The following EML6 variants were observed in gnomAD, a reference collection of about 807,000 sequenced individuals.
EML6 encodes the protein echinoderm microtubule-associated protein-like 6.
Under a neutral mutation model 240.1 loss-of-function variants are expected in EML6, and 154 were observed. That is an observed-to-expected ratio of 0.64 (90% CI 0.56 to 0.73). The LOEUF (loss-of-function observed/expected upper bound fraction) is 0.73. Among genes scored for constraint, EML6 ranks in the 30% least tolerant of loss-of-function variants. The pLI is 0.00. For missense variants in EML6, 2,964 were observed against 2,474.6 expected, an observed-to-expected ratio of 1.20 and a Z score of -4.20; for synonymous variants, 1,148 against 899.0, an observed-to-expected ratio of 1.28 and a Z score of -4.95.
chr2:54,899,860 AT>A, intron 22 of EML6, 78 bp downstream of exon 22: 1 of 1,394,088 alleles, frequency 7.2e-7, no homozygotes, highest in Non-Finnish European at 9.7e-7. Context: ...CTCAGTTAAT[AT>A]TTACTGAGGG....
intron 33 of EML6, 42 bp downstream of exon 33, chr2:54,958,040 C>G (rs1422109321): frequency 6.6e-6 from 10 of 1,509,346 alleles, no homozygotes; most frequent in Non-Finnish European, 8.9e-6. Flanking sequence ...GACCCAGACC[C>G]CCTGGGCATG....
At chr2:54,872,851 G>A (rs918578847) in intron 16 of EML6, among the ~76,000 whole-genome samples, 1 of 152,140 alleles carries the variant, frequency 6.6e-6, no homozygotes, top group Non-Finnish European at 1.5e-5. Flanking sequence ...GAAATAACCT[G>A]TCCTTTTTTG....
intron 13 of EML6, among the ~76,000 whole-genome samples, chr2:54,864,753 C>T (rs1573027010): frequency 6.6e-6 from 1 of 152,194 alleles, no homozygotes. Flanking sequence ...ATTAGGATAA[C>T]AATGCTTACC....
At chr2:54,736,562 A>G (rs1683401474) in intron 2 of EML6, among the ~76,000 whole-genome samples, 1 of 152,102 alleles carries the variant, frequency 6.6e-6, no homozygotes, top group Admixed American at 6.5e-5. Flanking sequence ...TTTATCTCTC[A>G]TTCACTTTTC....
At chr2:54,884,109 G>C (rs1186415122) in intron 17 of EML6, among the ~76,000 whole-genome samples, 1 of 152,212 alleles carries the variant, frequency 6.6e-6, no homozygotes, top group East Asian at 1.9e-4. Context: ...GGTAGCCTCA[G>C]ATGCCACAGG....
intron 7 of EML6, among the ~76,000 whole-genome samples, chr2:54,837,449 A>AGCACTCACGG (rs954432379): frequency 6.6e-6 from 1 of 152,196 alleles, no homozygotes; most frequent in Admixed American, 6.5e-5. Flanking sequence ...CCACCTCCTA[A>AGCACTCACGG]GCACTCACGG....
At chr2:54,846,552 T>C (rs1669765955) in intron 8 of EML6, among the ~76,000 whole-genome samples, 1 of 150,802 alleles carries the variant, frequency 6.6e-6, no homozygotes, top group African/African-American at 2.4e-5. Flanking sequence ...AGTATGAACA[T>C]AGCTAACTGC....
chr2:54,931,221 T>C (rs942041678), intron 28 of EML6, among the ~76,000 whole-genome samples: 21 of 152,016 alleles, frequency 1.4e-4, no homozygotes, highest in African/African-American at 4.8e-4. Flanking sequence ...CCTCCCAAAG[T>C]GCTGGGATTA....
At position 54,928,733 on chromosome 2, in the gene EML6, A is replaced by T; in HGVS notation, c.3986A>T (p.Glu1329Val). Reference protein sequence around the residue: ...EGTKPHQQLKEVSVEERPPVS... With the variant: ...EGTKPHQQLKVVSVEERPPVS... ...ACCAAGCCACACCAGCAGCTGAAGG[A>T]AGTTTCCGTGGAAGAAAGGTATGGT... The change falls in exon 28 of 42, where the codon GAA becomes GTA. Residue 1329 changes from glutamate to valine, a missense_variant. Glu to Val is a moderately radical substitution (Grantham distance 121). Coordinates refer to ENST00000356458, the MANE Select transcript of EML6 (RefSeq NM_001039753.4). 6.4e-7 allele frequency: 1 copy of T among 1,551,844 alleles called. No homozygotes were observed. Among genetic ancestry groups the T allele is most frequent in the Non-Finnish European group, 8.7e-7 (1 of 1,147,036 alleles).
At chr2:54,892,927 C>A (rs1320832190) in intron 19 of EML6, among the ~76,000 whole-genome samples, 4 of 152,170 alleles carry the variant, frequency 2.6e-5, no homozygotes, top group African/African-American at 9.7e-5. Context: ...TTAAGAAGTG[C>A]CAGGATAAAT....
chr2:54,866,097 C>T (rs1003415880), intron 13 of EML6, among the ~76,000 whole-genome samples: 2 of 151,998 alleles, frequency 1.3e-5, no homozygotes, highest in African/African-American at 4.8e-5. Context: ...AAACAGGGGC[C>T]TTATATTTTA....
chr2:54,960,236 G>T lies in EML6; in HGVS notation c.4870G>T (p.Ala1624Ser). 6.4e-7 allele frequency: 1 copy of T among 1,551,386 alleles called. No individual in the cohort carries two copies. Among genetic ancestry groups the T allele is most frequent in the Non-Finnish European group, 8.7e-7 (1 of 1,146,778 alleles). Reference protein sequence around the residue: ...GKERPTKEGGAVKLWDQEMKR... With the variant: ...GKERPTKEGGSVKLWDQEMKR... ...CTTTTTTAGGACCAAAGAAGGAGGTGCTGTAAAATTGTGGGACCAGGAGAT... is the reference window on the plus strand; with the variant it reads ...CTTTTTTAGGACCAAAGAAGGAGGTTCTGTAAAATTGTGGGACCAGGAGAT... The change falls in exon 35 of 42, where the codon GCT becomes TCT. Residue 1624 changes from alanine to serine, a missense_variant. Ala to Ser is a moderately conservative substitution (Grantham distance 99). Transcript: ENST00000356458.
chr2:54,957,354 G>GAA lies in EML6; in HGVS notation c.4487-419_4487-418dup, dbSNP rs11315862. ...TAAAGAAAATGCAGGAGAATCTTAG[G>GAA]AAAAAAAAAAAAAAAAAAGCTCTCT... On this transcript the variant is annotated intron_variant, in intron 32 of 41. Coordinates refer to ENST00000356458, the MANE Select transcript of EML6 (RefSeq NM_001039753.4). 4.3e-3 allele frequency among the ~76,000 whole-genome samples: 455 copies of GAA among 106,440 alleles called. 10 individuals carry two copies. Among genetic ancestry groups the GAA allele is most frequent in the Admixed American group, 0.022 (239 of 10,704 alleles). The allele number at this position is 106,440 out of a possible 152,430, so 69.8% of individuals were successfully genotyped here.
intron 2 of EML6, among the ~76,000 whole-genome samples, chr2:54,787,558 G>A (rs555666560): frequency 1.3e-5 from 2 of 152,298 alleles, no homozygotes; most frequent in South Asian, 4.2e-4. Flanking sequence ...CATTAAATGA[G>A]ATAATGTGTA....
chr2:54,928,349 A>G lies in EML6; in HGVS notation c.3712A>G (p.Ser1238Gly). The G allele has an allele frequency of 1.3e-6, 2 of 1,552,038 alleles. No individual in the cohort carries two copies. The highest frequency in any genetic ancestry group is 1.7e-6 in the Non-Finnish European group (2 of 1,147,102). Residue 1238 changes from serine (S) to glycine (G), a missense_variant, in exon 27 of 42, where the codon AGT becomes GGT. Transcript: ENST00000356458. ...AAGATTCAAGAAGTATGTGGGGCACAGTGCACATGTCACTAACGTGAGGTG... is the reference window on the plus strand; with the variant it reads ...AAGATTCAAGAAGTATGTGGGGCACGGTGCACATGTCACTAACGTGAGGTG... ...HARFKKYVGH[S>G]AHVTNVRWLH...
At chr2:54,908,014 CAG>C (rs1269313893) in intron 24 of EML6, among the ~76,000 whole-genome samples, 6 of 150,734 alleles carry the variant, frequency 4.0e-5, no homozygotes, top group Non-Finnish European at 7.4e-5. Flanking sequence ...TCACAGCAGG[CAG>C]AGAGAAAAAG....
At chr2:54,899,337 A>G (rs979284524) in intron 21 of EML6, among the ~76,000 whole-genome samples, 3 of 152,236 alleles carry the variant, frequency 2.0e-5, no homozygotes, top group Non-Finnish European at 4.4e-5. Flanking sequence ...GCATTTCACC[A>G]TTTACCTGGA....
At chr2:54,924,427 C>T (rs912653044) in intron 26 of EML6, among the ~76,000 whole-genome samples, 2 of 152,054 alleles carry the variant, frequency 1.3e-5, no homozygotes, top group African/African-American at 4.8e-5. Flanking sequence ...TTTAAATTAT[C>T]TTTTCATTCT....
At position 54,827,661 on chromosome 2, in the gene EML6, A is replaced by G. The variant is rs1398050028; in HGVS notation, c.621A>G (p.Lys207=). Residue 207 remains lysine, a synonymous_variant, in exon 6 of 42, where the codon AAA becomes AAG. Transcript: ENST00000356458. ...CCATCCTTTGCCTTGCATGTGCCAA[A>G]GAAGACATCACCTACTCTGGTGCTT... ...LQTILCLACA[K]EDITYSGALN... 10 of 1,551,626 alleles carry G rather than the reference A, an allele frequency of 6.4e-6. No homozygotes were observed. In the South Asian group the frequency reaches 7.1e-5, roughly 11 times the overall value.
Sources: gnomAD v4.1 joint callset for allele counts (sites outside exome capture counted in the v4.1 genomes callset) on GRCh38, gnomAD v4.1.1 for gene constraint, MANE v1.5 for transcripts, NCBI Gene and HGNC (gene_info 2026-07-23, HGNC 2026-07-21) for gene names.